The following SLC6A18 variants were observed in gnomAD, a reference collection of about 807,000 sequenced individuals.
SLC6A18 encodes inactive sodium-dependent neutral amino acid transporter B(0)AT3.
SLC6A18 carries 58 observed loss-of-function variants against 62.9 expected under a neutral mutation model. The ratio of observed to expected loss-of-function variants is 0.92; its 90% CI spans 0.75 to 1.15. SLC6A18 has a LOEUF of 1.15. Among genes scored for constraint, SLC6A18 ranks in the 50% most tolerant of loss-of-function variants. SLC6A18 has a pLI of 0.00. For synonymous variants in SLC6A18, 382 were observed against 365.8 expected, an observed-to-expected ratio of 1.04 and a Z score of -0.51; for missense variants, 793 against 836.6, an observed-to-expected ratio of 0.95 and a Z score of 0.64.
chr5:1,237,093 T>A (rs1213016631), intron 4 of SLC6A18, among the ~76,000 whole-genome samples: 1 of 150,400 alleles, frequency 6.6e-6, no homozygotes, highest in South Asian at 2.1e-4. Context: ...AAAAAAAAAA[T>A]TAGCCAGCCG....
chr5:1,238,330 G>A (rs1746948686), intron 5 of SLC6A18, among the ~76,000 whole-genome samples: 1 of 124,498 alleles, frequency 8.0e-6, no homozygotes, highest in South Asian at 2.5e-4. Context: ...ATCAGGTTTG[G>A]AGTGAGCCTG....
chr5:1,234,158 A>C (rs563456404), intron 3 of SLC6A18, among the ~76,000 whole-genome samples: 1 of 152,314 alleles, frequency 6.6e-6, no homozygotes, highest in East Asian at 1.9e-4. Flanking sequence ...CACTGGGATG[A>C]CAGGTGTGAG....
chr5:1,238,449 T>C (rs74199162), intron 5 of SLC6A18, among the ~76,000 whole-genome samples: 1,768 of 13,928 alleles, frequency 0.13, 131 homozygotes, highest in Middle Eastern at 0.18. Context: ...TGGAGTGAGC[T>C]TGGGGCCTCA....
rs566040881 is a variant in SLC6A18 at position 1,227,304 on chromosome 5, G to A, written c.160+1667G>A. Reference sequence around the variant, plus strand: ...AAAGCTGGGGAGGCCCCCACCTGGGGTGCTGCTGAGGAGGGAGAACAGCCC... The same window carrying A: ...AAAGCTGGGGAGGCCCCCACCTGGGATGCTGCTGAGGAGGGAGAACAGCCC... On this transcript the variant is annotated intron_variant, in intron 1 of 11. Transcript: ENST00000324642. 2.0e-5 allele frequency among the ~76,000 whole-genome samples: 3 copies of A among 152,364 alleles called. No individual in the cohort carries two copies. In the South Asian group the frequency reaches 6.2e-4, roughly 32 times the overall value.
At chr5:1,227,871 G>C (rs530180555) in intron 1 of SLC6A18, among the ~76,000 whole-genome samples, 1 of 152,314 alleles carries the variant, frequency 6.6e-6, no homozygotes, top group African/African-American at 2.4e-5. Context: ...TCTAACACTT[G>C]CTGTGGTTTA....
At chr5:1,232,981 G>A (rs576856802) in intron 3 of SLC6A18, 93 bp downstream of exon 3, 176 of 1,502,944 alleles carry the variant, frequency 1.2e-4, no homozygotes, top group Middle Eastern at 2.3e-4. Context: ...TGCGGGTGGC[G>A]GATGCTCACC....
rs548529096 is a variant in SLC6A18 at position 1,241,937 on chromosome 5, C to G, written c.975-770C>G. ...GGGCTAGAAGTGAGGGGAGCGAGGT[C>G]TCTCTCTTCAGGATTGTTCTAGGAA... On this transcript the variant is annotated intron_variant, in intron 7 of 11. Coordinates refer to ENST00000324642, the MANE Select transcript of SLC6A18 (RefSeq NM_182632.3). The surrounding 1 kb of genome is among the most constrained non-coding windows in gnomAD (Gnocchi z 7.8). 6.6e-6 allele frequency among the ~76,000 whole-genome samples: 1 copy of G among 152,320 alleles called. No individual in the cohort carries two copies. The highest frequency in any genetic ancestry group is 2.1e-4 in the South Asian group (1 of 4,820).
Position 1,242,755 on chromosome 5 carries a change from C to A in SLC6A18, c.1023C>A (p.Ile341=), listed in dbSNP as rs574395345. 1.9e-6 allele frequency: 3 copies of A among 1,613,910 alleles called. No homozygotes were observed. In the African/African-American group the frequency reaches 4.0e-5, roughly 21 times the overall value. Residue 341 remains isoleucine (I), a synonymous_variant, in exon 8 of 12, where the codon ATC becomes ATA. Coordinates refer to ENST00000324642, the MANE Select transcript of SLC6A18 (RefSeq NM_182632.3). ...INDFDFPEQS[I]SRDDYPAVLM... Reference sequence around the variant, plus strand: ...ACTTTGACTTCCCAGAGCAGAGCATCTCCAGGGACGACTACCCAGCCGTCC... The same window carrying A: ...ACTTTGACTTCCCAGAGCAGAGCATATCCAGGGACGACTACCCAGCCGTCC...
chr5:1,230,401 G>T (rs1354040245), intron 1 of SLC6A18, among the ~76,000 whole-genome samples: 1 of 152,160 alleles, frequency 6.6e-6, no homozygotes, highest in Non-Finnish European at 1.5e-5. Flanking sequence ...CTCCCAGGAG[G>T]CATCTTGGGG....
intron 3 of SLC6A18, among the ~76,000 whole-genome samples, chr5:1,234,190 CG>C (rs1243676814): frequency 1.3e-5 from 2 of 152,206 alleles, no homozygotes; most frequent in Non-Finnish European, 2.9e-5. Context: ...AACTGACAGT[CG>C]TATCTTTCAA....
At chr5:1,226,903 C>A (rs562190784) in intron 1 of SLC6A18, among the ~76,000 whole-genome samples, 1 of 152,294 alleles carries the variant, frequency 6.6e-6, no homozygotes, top group South Asian at 2.1e-4. Flanking sequence ...CCCACCAACG[C>A]CTTGTTCGCC....
intron 9 of SLC6A18, 33 bp from the exon 10 acceptor site, chr5:1,244,181 C>CCCCG: frequency 1.5e-6 from 2 of 1,360,400 alleles, no homozygotes; most frequent in Non-Finnish European, 1.0e-6. Context: ...TCCCCATCCC[C>CCCCG]TTACCCCCCA....
chr5:1,232,420 A>C, intron 2 of SLC6A18, 61 bp downstream of exon 2: 6 of 1,490,724 alleles, frequency 4.0e-6, no homozygotes, highest in Non-Finnish European at 5.5e-6. Context: ...CTCCTGGATG[A>C]GAGGTGGGGC....
rs567118847 is a variant in SLC6A18 at position 1,230,895 on chromosome 5, G to A, written c.161-1324G>A. On this transcript the variant is annotated intron_variant, in intron 1 of 11. Transcript: ENST00000324642. ...CAGACGTGGAGCTGCACAGAGACCCGAACTCGTGCACAGACGGTGACTCGC... is the reference window on the plus strand; with the variant it reads ...CAGACGTGGAGCTGCACAGAGACCCAAACTCGTGCACAGACGGTGACTCGC... Among the ~76,000 whole-genome samples the A allele has an allele frequency of 3.3e-3, 496 of 152,262 alleles. 1 individual carries two copies. The highest frequency in any genetic ancestry group is 0.011 in the African/African-American group (467 of 41,536).
chr5:1,243,887 T>C lies in SLC6A18; in HGVS notation c.1336+128T>C. On this transcript the variant is annotated intron_variant, in intron 9 of 11. Coordinates refer to ENST00000324642, the MANE Select transcript of SLC6A18 (RefSeq NM_182632.3). This position sits in a 1 kb window ranked among gnomAD's most constrained non-coding sequence, Gnocchi z 6.5. Reference sequence around the variant, plus strand: ...GCCAAGCCTGAGTTCAGGGAAAGGCTGAGCCAGGCTACTCCTTGCTGACAG... The same window carrying C: ...GCCAAGCCTGAGTTCAGGGAAAGGCCGAGCCAGGCTACTCCTTGCTGACAG... 1.1e-6 allele frequency: 1 copy of C among 947,326 alleles called. No homozygotes were observed. The highest frequency in any genetic ancestry group is 2.6e-5 in the East Asian group (1 of 37,774). The allele number at this position is 947,326 out of a possible 1,614,324, so 58.7% of individuals were successfully genotyped here. A position where few individuals can be genotyped will look rare whatever the true frequency, so the allele number is the denominator to read the frequency against.
At chr5:1,229,468 C>A (rs1204253856) in intron 1 of SLC6A18, among the ~76,000 whole-genome samples, 7 of 152,238 alleles carry the variant, frequency 4.6e-5, no homozygotes, top group Non-Finnish European at 8.8e-5. Flanking sequence ...GCCTGGTCAC[C>A]TGAGGCCCCA....
At position 1,246,076 on chromosome 5, in the gene SLC6A18, T is replaced by A. The variant is rs766511824; in HGVS notation, c.1885T>A (p.Ter629ArgextTer37). Residue 629 changes from the stop codon to arginine, a stop_lost, in exon 12 of 12, where the codon TGA becomes AGA. Transcript: ENST00000324642. ...CATGCGCCCGGACACGGACATGCGC[T>A]GAAGCCGGCCGGAGCGGGGCCTGCA... ...TDMRPDTDMR[*>R] The A allele has an allele frequency of 2.9e-5, 46 of 1,572,134 alleles. 1 individual carries two copies. The African/African-American group carries it at 3.9e-4, about 13-fold the overall frequency.
chr5:1,232,296 C>T lies in SLC6A18; in HGVS notation c.238C>T (p.Gln80Ter). 6.2e-7 allele frequency: 1 copy of T among 1,612,654 alleles called. No individual in the cohort carries two copies. Among genetic ancestry groups the T allele is most frequent in the Non-Finnish European group, 8.5e-7 (1 of 1,179,896 alleles). The stretch of plus-strand genomic sequence containing the variant: ...TTTCCACGTCGAGCTCGCCATCGGC[C>T]AGCGGCTGCGGAAGGGCAGCGTCGG... ...PIFHVELAIGQRLRKGSVGVW... is the reference protein window; with the variant it reads ...PIFHVELAIG The change falls in exon 2 of 12, where the codon CAG (glutamine) becomes TAG (stop). Residue 80 changes from glutamine (Q) to a stop codon, truncating the protein, a stop_gained. Transcript: ENST00000324642. LOFTEE classifies it high-confidence loss of function.
chr5:1,243,617 G>C lies in SLC6A18; in HGVS notation c.1194G>C (p.Gly398=), dbSNP rs1747126334. Residue 398 remains glycine (G), a synonymous_variant, in exon 9 of 12, where the codon GGG becomes GGC. Coordinates refer to ENST00000324642, the MANE Select transcript of SLC6A18 (RefSeq NM_182632.3). This position sits in a 1 kb window ranked among gnomAD's most constrained non-coding sequence, Gnocchi z 6.5. The part of the protein sequence containing the change: ...VFTETDLHMP[G]APVWAMLFFG... The stretch of plus-strand genomic sequence containing the variant: ...CGGAGACCGACCTCCACATGCCGGG[G>C]GCTCCTGTGTGGGCCATGCTCTTCT... The C allele has an allele frequency of 1.2e-6, 2 of 1,613,960 alleles. No homozygotes were observed. Among genetic ancestry groups the C allele is most frequent in the African/African-American group, 2.7e-5 (2 of 74,928 alleles).
Sources: allele counts gnomAD v4.1 joint callset (sites outside exome capture counted in the v4.1 genomes callset), GRCh38; gene constraint gnomAD v4.1.1; non-coding constraint Gnocchi (gnomAD v3.1); transcripts MANE v1.5; gene names NCBI Gene and HGNC (gene_info 2026-07-23, HGNC 2026-07-21).